VPS4B: variants seen among roughly 807,000 people sequenced by gnomAD.
VPS4B encodes vacuolar protein sorting-associated protein 4B.
VPS4B carries 23 observed loss-of-function variants against 56.1 expected under a neutral mutation model. The ratio of observed to expected loss-of-function variants is 0.41; its 90% confidence interval spans 0.30 to 0.58. The LOEUF (loss-of-function observed/expected upper bound fraction) is 0.58. VPS4B is among the 20% of genes least tolerant of loss of function. The pLI is 0.29. For synonymous variants in VPS4B, 177 were observed against 186.0 expected (o/e 0.95, Z 0.39); for missense variants, 372 against 531.9 (o/e 0.70, Z 2.96).
At chr18:63,393,656 T>C in intron 9 of VPS4B, 107 bp from the exon 10 acceptor site, 1 of 1,136,120 alleles carries the variant, frequency 8.8e-7, no homozygotes, top group Non-Finnish European at 1.1e-6. Context: ...TATGTTTTAT[T>C]AGAATGTTTA....
rs747947691 is a variant in VPS4B, at chr18:63,400,622, G to C, written c.566C>G (p.Thr189Arg). The C allele has an allele frequency of 6.2e-7, 1 of 1,611,988 alleles. No homozygotes were observed. Among genetic ancestry groups the C allele is most frequent in the East Asian group, 2.2e-5 (1 of 44,836 alleles). Residue 189 changes from threonine (T) to arginine (R), a missense_variant, in exon 6 of 11, where the codon ACA becomes AGA. Around this residue, in one of 3 missense-constraint regions of VPS4B, gnomAD observed 66 missense variants for 150.7 expected, o/e 0.44. Coordinates refer to ENST00000238497, the MANE Select transcript of VPS4B (RefSeq NM_004869.4). ...AAAAAATGTTGAGTTGTTGGCTTCT[G>C]TTGCTACAGCTTTGGCTAAGTAGGA... The part of the protein sequence containing the change: ...GKSYLAKAVA[T>R]EANNSTFFSI...
At chr18:63,408,407 C>T (rs957672439) in intron 3 of VPS4B, among the ~76,000 whole-genome samples, 3 of 152,178 alleles carry the variant, frequency 2.0e-5, no homozygotes, top group Admixed American at 6.6e-5. Flanking sequence ...ATGACACTCA[C>T]TCCAACCTCT....
chr18:63,410,609 C>T (rs967895315), intron 2 of VPS4B, among the ~76,000 whole-genome samples, 163 bp from the exon 3 acceptor site: 2 of 152,198 alleles, frequency 1.3e-5, no homozygotes, highest in African/African-American at 4.8e-5. Flanking sequence ...CTCTTTTCTA[C>T]CCCTTCCTCC....
chr18:63,422,362 CGG>C lies in VPS4B; in HGVS notation c.-105_-104del, dbSNP rs2144446334. ...GTAACAGCCCTCAAACTGGGGAGGC[CGG>C]TGGTTCTCGGACCGCGAAGGGCAGC... is the stretch of plus-strand genomic sequence containing the variant. On this transcript the variant is annotated 5_prime_UTR_variant, in exon 1 of 11. Coordinates refer to ENST00000238497, the MANE Select transcript of VPS4B (RefSeq NM_004869.4). 1 of 1,153,228 alleles carries C rather than the reference CGG, an allele frequency of 8.7e-7. No homozygotes were observed. The highest frequency in any genetic ancestry group is 2.2e-5 in the South Asian group (1 of 45,820). 71.4% of individuals were successfully genotyped at this position (1,153,228 alleles called of 1,614,324 possible).
At chr18:63,413,699 AAAGT>A (rs1916097849) in intron 1 of VPS4B, among the ~76,000 whole-genome samples, 1 of 152,194 alleles carries the variant, frequency 6.6e-6, no homozygotes, top group Non-Finnish European at 1.5e-5. Flanking sequence ...GAGATATTAA[AAAGT>A]AAGTATATAA....
intron 1 of VPS4B, among the ~76,000 whole-genome samples, chr18:63,418,787 C>A (rs1456272589): frequency 1.3e-5 from 2 of 152,132 alleles, no homozygotes; most frequent in Non-Finnish European, 2.9e-5. Flanking sequence ...CTAACGTGGT[C>A]TTTGTTTTGC....
At chr18:63,419,276 T>C (rs1302486826) in intron 1 of VPS4B, among the ~76,000 whole-genome samples, 1 of 152,166 alleles carries the variant, frequency 6.6e-6, no homozygotes, top group African/African-American at 2.4e-5. Flanking sequence ...TAGCTGGGTG[T>C]GTTGGTGCAT....
At chr18:63,412,990 C>T (rs1916079479) in intron 1 of VPS4B, among the ~76,000 whole-genome samples, 1 of 152,142 alleles carries the variant, frequency 6.6e-6, no homozygotes. Flanking sequence ...AAAGGACAAT[C>T]TATAGACTGG....
At chr18:63,413,764 T>A (rs367933435) in intron 1 of VPS4B, among the ~76,000 whole-genome samples, 4 of 152,176 alleles carry the variant, frequency 2.6e-5, no homozygotes, top group Admixed American at 6.5e-5. Context: ...TGTGTAAGAA[T>A]ATTACATTTT....
intron 5 of VPS4B, 87 bp downstream of exon 5, chr18:63,403,620 T>C (rs970106370): frequency 3.8e-6 from 5 of 1,322,224 alleles, no homozygotes; most frequent in Non-Finnish European, 5.1e-6. Flanking sequence ...AGATAATTCA[T>C]TAGTGACAAG....
At chr18:63,415,073 C>T (rs146659603) in intron 1 of VPS4B, among the ~76,000 whole-genome samples, 294 of 152,308 alleles carry the variant, frequency 1.9e-3, no homozygotes, top group African/African-American at 6.4e-3. Flanking sequence ...ACACGTTAAA[C>T]CTTTAATCGA....
In VPS4B at chr18:63,421,395, C is replaced by T. The variant is rs537290168; in HGVS notation, c.27+838G>A. Among the ~76,000 whole-genome samples the T allele has an allele frequency of 3.2e-4, 49 of 152,292 alleles. No individual in the cohort carries two copies. In the Middle Eastern group the frequency reaches 0.01, roughly 32 times the overall value. The stretch of plus-strand genomic sequence containing the variant: ...TGTTCAACAAACTACCGGAAGTCCA[C>T]GACGGGGACTCAATACAAGTATTTT... On this transcript the variant is annotated intron_variant, in intron 1 of 10. Coordinates refer to ENST00000238497, the MANE Select transcript of VPS4B (RefSeq NM_004869.4).
At chr18:63,399,125 G>T (rs1915753330) in intron 8 of VPS4B, 117 bp downstream of exon 8, 1 of 867,738 alleles carries the variant, frequency 1.2e-6, no homozygotes. Context: ...CAGGGTTAGA[G>T]CACATTACAA....
In VPS4B at chr18:63,422,300, G is replaced by A. The variant is rs753204454; in HGVS notation, c.-41C>T. Reference sequence around the variant, plus strand: ...CGGTTCCCAAGGGAACGAGGGGCGAGGAGAGCCAACAGCAGCAACGTCGAA... The same window carrying A: ...CGGTTCCCAAGGGAACGAGGGGCGAAGAGAGCCAACAGCAGCAACGTCGAA... On this transcript the variant is annotated 5_prime_UTR_variant, in exon 1 of 11. Coordinates refer to ENST00000238497, the MANE Select transcript of VPS4B (RefSeq NM_004869.4). 6.8e-7 allele frequency: 1 copy of A among 1,477,842 alleles called. No individual in the cohort carries two copies. The highest frequency in any genetic ancestry group is 9.0e-7 in the Non-Finnish European group (1 of 1,112,138). 91.5% of individuals were successfully genotyped at this position (1,477,842 alleles called of 1,614,324 possible). A position where few individuals can be genotyped will look rare whatever the true frequency, so the allele number is the denominator to read the frequency against.
chr18:63,410,792 T>G (rs1916023704), intron 2 of VPS4B, among the ~76,000 whole-genome samples: 1 of 152,198 alleles, frequency 6.6e-6, no homozygotes, highest in African/African-American at 2.4e-5. Flanking sequence ...ACAAACCCAA[T>G]TATAAAAAAG....
At chr18:63,394,924 C>G (rs1166557015) in intron 9 of VPS4B, among the ~76,000 whole-genome samples, 1 of 152,054 alleles carries the variant, frequency 6.6e-6, no homozygotes, top group African/African-American at 2.4e-5. Flanking sequence ...GGATTTTTGT[C>G]TTTTTTGACT....
At chr18:63,404,997 T>C (rs1915885756) in intron 4 of VPS4B, among the ~76,000 whole-genome samples, 1 of 152,196 alleles carries the variant, frequency 6.6e-6, no homozygotes, top group Non-Finnish European at 1.5e-5. Flanking sequence ...TAGGATTTCA[T>C]GTCAGTTAAA....
At chr18:63,421,950 G>C (rs1916312160) in intron 1 of VPS4B, among the ~76,000 whole-genome samples, 1 of 152,200 alleles carries the variant, frequency 6.6e-6, no homozygotes, top group Non-Finnish European at 1.5e-5. Context: ...AACCCTGATT[G>C]GAGAAACCTG....
At chr18:63,401,528 T>C (rs1915809037) in intron 5 of VPS4B, among the ~76,000 whole-genome samples, 1 of 152,188 alleles carries the variant, frequency 6.6e-6, no homozygotes, top group Admixed American at 6.5e-5. Flanking sequence ...GGTAGCAGAC[T>C]TTCATGGTTG....
Sources: allele counts gnomAD v4.1 joint callset (sites outside exome capture counted in the v4.1 genomes callset), GRCh38; gene constraint gnomAD v4.1.1; regional missense constraint gnomAD v4.1.1; transcripts MANE v1.5; gene names NCBI Gene and HGNC (gene_info 2026-07-23, HGNC 2026-07-21).